GPC5: variants seen among roughly 807,000 people sequenced by gnomAD.
GPC5 encodes the protein glypican-5.
GPC5 carries 47 observed loss-of-function variants against 53.9 expected under a neutral mutation model. That is an observed-to-expected ratio of 0.87 (90% CI 0.69 to 1.11). The LOEUF is 1.11. GPC5 is among the 50% of genes most tolerant of loss of function. The pLI is 0.00. For synonymous variants in GPC5, 286 were observed against 263.3 expected, an observed-to-expected ratio of 1.09 and a Z score of -0.84; for missense variants, 748 against 713.1, an observed-to-expected ratio of 1.05 and a Z score of -0.56.
intron 7 of GPC5, among the ~76,000 whole-genome samples, chr13:92,414,872 C>T (rs1234213089): frequency 6.6e-6 from 1 of 152,126 alleles, no homozygotes; most frequent in Admixed American, 6.5e-5. Context: ...AAGCTCTGCC[C>T]TTTTGACCTT....
intron 7 of GPC5, among the ~76,000 whole-genome samples, chr13:92,527,158 A>G (rs1486958467): frequency 8.2e-6 from 1 of 121,656 alleles, no homozygotes. Context: ...GAAAGAAAGA[A>G]AGAAAGAAAG....
chr13:92,125,507 T>C (rs1307175921), intron 6 of GPC5, among the ~76,000 whole-genome samples: 1 of 152,054 alleles, frequency 6.6e-6, no homozygotes, highest in African/African-American at 2.4e-5. Context: ...AATGTGAGAT[T>C]CTATAAGATT....
chr13:92,260,620 C>A (rs2042759578), intron 7 of GPC5, among the ~76,000 whole-genome samples: 2 of 152,156 alleles, frequency 1.3e-5, no homozygotes, highest in African/African-American at 4.8e-5. Context: ...ATGTCTGCAA[C>A]TCCCCACGGA....
intron 7 of GPC5, among the ~76,000 whole-genome samples, chr13:92,219,868 C>G (rs956896705): frequency 6.6e-6 from 1 of 152,052 alleles, no homozygotes; most frequent in African/African-American, 2.4e-5. Flanking sequence ...GTTTTTAAAC[C>G]CCAGAAAATC....
At chr13:92,432,619 C>A (rs868105138) in intron 7 of GPC5, among the ~76,000 whole-genome samples, 96 of 151,674 alleles carry the variant, frequency 6.3e-4, no homozygotes, top group African/African-American at 2.1e-3. Flanking sequence ...TCGTGATCTG[C>A]CCGCCTCCGC....
chr13:91,740,274 C>T (rs2036903059), intron 4 of GPC5, among the ~76,000 whole-genome samples: 1 of 152,122 alleles, frequency 6.6e-6, no homozygotes, highest in South Asian at 2.1e-4. Context: ...TTACAGTATC[C>T]TCTCCTTAGG....
At chr13:92,217,761 C>T (rs59691608) in intron 7 of GPC5, among the ~76,000 whole-genome samples, 5,910 of 151,984 alleles carry the variant, frequency 0.039, 393 homozygotes, top group African/African-American at 0.13. Flanking sequence ...AGGCCAGTTG[C>T]CTTGATGTAG....
intron 1 of GPC5, among the ~76,000 whole-genome samples, chr13:91,429,798 G>C (rs919886062): frequency 6.6e-6 from 1 of 152,140 alleles, no homozygotes; most frequent in South Asian, 2.1e-4. Context: ...ACTTGTTTGG[G>C]AATCTTTATT....
At chr13:91,796,189 C>T (rs184592178) in intron 5 of GPC5, among the ~76,000 whole-genome samples, 5 of 152,252 alleles carry the variant, frequency 3.3e-5, no homozygotes, top group African/African-American at 4.8e-5. Context: ...ACCGTGGAAC[C>T]CAAACGACTA....
chr13:92,796,125 A>G (rs530524797), intron 7 of GPC5, among the ~76,000 whole-genome samples: 3 of 152,292 alleles, frequency 2.0e-5, no homozygotes, highest in Non-Finnish European at 4.4e-5. Flanking sequence ...ATGTCCATCG[A>G]TGATAGACTG....
At chr13:91,962,207 G>C (rs2040132654) in intron 6 of GPC5, among the ~76,000 whole-genome samples, 1 of 152,102 alleles carries the variant, frequency 6.6e-6, no homozygotes, top group South Asian at 2.1e-4. Context: ...GAAGTGTGCT[G>C]AAGAGCTCCT....
At chr13:91,683,891 A>G (rs890799207) in intron 2 of GPC5, among the ~76,000 whole-genome samples, 42 of 152,172 alleles carry the variant, frequency 2.8e-4, no homozygotes, top group Non-Finnish European at 5.9e-5. Context: ...CCATTATAGC[A>G]AACATTTGCA....
At chr13:91,976,969 A>T (rs551438994) in intron 6 of GPC5, among the ~76,000 whole-genome samples, 1 of 152,012 alleles carries the variant, frequency 6.6e-6, no homozygotes, top group Non-Finnish European at 1.5e-5. Context: ...AACCCAGGAG[A>T]TGGAGGTTTC....
chr13:92,703,353 TGATA>T (rs1250264773), intron 7 of GPC5, among the ~76,000 whole-genome samples: 6 of 151,446 alleles, frequency 4.0e-5, no homozygotes, highest in Admixed American at 1.3e-4. Flanking sequence ...GTAGGAGATA[TGATA>T]GATAATATCT....
intron 7 of GPC5, among the ~76,000 whole-genome samples, chr13:92,351,922 T>A (rs1362350420): frequency 6.6e-6 from 1 of 152,208 alleles, no homozygotes; most frequent in Non-Finnish European, 1.5e-5. Context: ...GTTGTTCCAA[T>A]CAAAATTCCG....
chr13:92,414,025 T>C (rs1385835757), intron 7 of GPC5, among the ~76,000 whole-genome samples: 1 of 152,184 alleles, frequency 6.6e-6, no homozygotes, highest in Non-Finnish European at 1.5e-5. Context: ...ATCAAATGAT[T>C]AGTGGAGTGA....
At chr13:92,003,081 C>T (rs1555303699) in intron 6 of GPC5, among the ~76,000 whole-genome samples, 2 of 152,086 alleles carry the variant, frequency 1.3e-5, no homozygotes, top group Admixed American at 6.6e-5. Context: ...GAGGCCAAGG[C>T]GGGTGGATCA....
At chr13:92,078,838 G>A (rs550195182) in intron 6 of GPC5, among the ~76,000 whole-genome samples, 38 of 152,172 alleles carry the variant, frequency 2.5e-4, no homozygotes, top group African/African-American at 8.2e-4. Flanking sequence ...TCTCCGTCCC[G>A]TTATGTTCAG....
In GPC5 at chr13:92,628,029, T is replaced by C. The variant is rs1324696244; in HGVS notation, c.1562-238253T>C. Among the ~76,000 whole-genome samples the C allele has an allele frequency of 2.6e-5, 4 of 152,056 alleles. No individual in the cohort carries two copies. In the East Asian group the frequency reaches 7.7e-4, roughly 29 times the overall value. On this transcript the variant is annotated intron_variant, in intron 7 of 7. Transcript: ENST00000377067. ...GAATACTTTTCTCATTTGAGTGTAT[T>C]TTAAACCATAAGCAGTATCTTCCTG... is the stretch of plus-strand genomic sequence containing the variant.
Sources: allele counts gnomAD v4.1 joint callset (sites outside exome capture counted in the v4.1 genomes callset), GRCh38; gene constraint gnomAD v4.1.1; transcripts MANE v1.5; gene names NCBI Gene and HGNC (gene_info 2026-07-23, HGNC 2026-07-21).